Variants in BANK1 observed in about 807,000 individuals in gnomAD.
BANK1 encodes the protein B cell scaffold protein with ankyrin repeats 1.
A neutral mutation model predicts 94.5 loss-of-function variants in BANK1; 95 were observed. The observed-to-expected ratio is 1.00, with a 90% CI of 0.85 to 1.19. The LOEUF is 1.19. BANK1 is among the 50% of genes most tolerant of loss of function. The pLI, the probability that BANK1 is intolerant of heterozygous loss-of-function variation, is 0.00. For synonymous variants in BANK1, 334 were observed against 308.4 expected (o/e 1.08, Z -0.87); for missense variants, 987 against 932.2 (o/e 1.06, Z -0.77).
chr4:101,956,843 G>A (rs950878646), intron 7 of BANK1, among the ~76,000 whole-genome samples: 2 of 152,062 alleles, frequency 1.3e-5, no homozygotes, highest in Admixed American at 6.6e-5. Context: ...GAAAGCTCAG[G>A]GTCCTCATAG....
intron 5 of BANK1, among the ~76,000 whole-genome samples, chr4:101,889,807 A>G (rs1721781352): frequency 6.6e-6 from 1 of 152,056 alleles, no homozygotes; most frequent in Non-Finnish European, 1.5e-5. Context: ...CCAATGTATT[A>G]TAAAATTTTC....
chr4:101,839,965 T>A (rs1457634489), intron 2 of BANK1, among the ~76,000 whole-genome samples: 2,180 of 77,418 alleles, frequency 0.028, 226 homozygotes, highest in African/African-American at 0.1. Context: ...TTTTTTTTTT[T>A]TTTTTTTTTT....
intron 5 of BANK1, among the ~76,000 whole-genome samples, chr4:101,889,461 G>A (rs377528635): frequency 2.3e-4 from 35 of 151,424 alleles, no homozygotes; most frequent in East Asian, 1.5e-3. Context: ...AGCCGGGCGC[G>A]GTGGCGGGCG....
intron 7 of BANK1, among the ~76,000 whole-genome samples, chr4:101,966,602 T>C (rs1282421596): frequency 6.6e-6 from 1 of 152,078 alleles, no homozygotes; most frequent in East Asian, 1.9e-4. Flanking sequence ...TTAATTAGAC[T>C]TTGATTTAGA....
At chr4:101,884,211 C>G (rs1295424283) in intron 5 of BANK1, among the ~76,000 whole-genome samples, 13 of 152,114 alleles carry the variant, frequency 8.5e-5, no homozygotes, top group Non-Finnish European at 1.6e-4. Context: ...AACCTTGGTA[C>G]CTTAGGTAGC....
intron 6 of BANK1, among the ~76,000 whole-genome samples, chr4:101,898,938 C>T (rs370531216): frequency 1.3e-5 from 2 of 151,898 alleles, no homozygotes; most frequent in African/African-American, 4.8e-5. Context: ...CATGGCTCTA[C>T]AGAGAAAGAA....
chr4:101,990,193 A>T lies in BANK1; in HGVS notation c.1207-31321A>T, dbSNP rs1209187470. ...CATCTGAGGTACTATTTGGATATAC[A>T]AGACAAATCTAATTATTTTCCTTGT... On this transcript the variant is annotated intron_variant, in intron 7 of 16. Transcript: ENST00000322953. 2.6e-5 allele frequency among the ~76,000 whole-genome samples: 4 copies of T among 152,230 alleles called. No individual in the cohort carries two copies. In the South Asian group the frequency reaches 6.2e-4, roughly 24 times the overall value.
chr4:101,927,012 A>G (rs936299733), intron 7 of BANK1, among the ~76,000 whole-genome samples: 5 of 151,706 alleles, frequency 3.3e-5, no homozygotes, highest in Non-Finnish European at 7.4e-5. Flanking sequence ...AGAATTTGGT[A>G]TTTTGGAGAA....
intron 5 of BANK1, among the ~76,000 whole-genome samples, chr4:101,885,515 C>T (rs971437545): frequency 6.6e-6 from 1 of 152,212 alleles, no homozygotes; most frequent in Non-Finnish European, 1.5e-5. Context: ...ACTACTTTCA[C>T]CTAGTTAATT....
At chr4:102,007,143 ATTT>A (rs1491311188) in intron 7 of BANK1, among the ~76,000 whole-genome samples, 11 of 31,000 alleles carry the variant, frequency 3.5e-4, no homozygotes, top group Admixed American at 6.1e-4. Flanking sequence ...TAAAAAATAT[ATTT>A]TATATATATA....
At chr4:102,004,759 G>A (rs1199016348) in intron 7 of BANK1, among the ~76,000 whole-genome samples, 2 of 152,136 alleles carry the variant, frequency 1.3e-5, no homozygotes, top group African/African-American at 2.4e-5. Flanking sequence ...TAAAAATCAT[G>A]AGAAAATACC....
Position 101,829,484 on chromosome 4 carries a change from A to G in BANK1, c.71-324A>G, listed in dbSNP as rs941035865. ...TTTCTTTTGGGCCAGAAATTAAAAT[A>G]TTATCTATAACATTATCTATGTCTA... On this transcript the variant is annotated intron_variant, in intron 1 of 16. Transcript: ENST00000322953. Among the ~76,000 whole-genome samples the G allele has an allele frequency of 4.6e-5, 7 of 151,852 alleles. No homozygotes were observed. The East Asian group carries it at 1.4e-3, about 29-fold the overall frequency.
intron 9 of BANK1, among the ~76,000 whole-genome samples, chr4:102,027,510 G>T (rs1427173754): frequency 1.3e-5 from 2 of 151,978 alleles, no homozygotes; most frequent in East Asian, 3.9e-4. Flanking sequence ...TAAAATGCCG[G>T]TATTTTTTCT....
At chr4:101,850,625 C>G (rs764659089) in intron 2 of BANK1, among the ~76,000 whole-genome samples, 1 of 152,094 alleles carries the variant, frequency 6.6e-6, no homozygotes, top group Non-Finnish European at 1.5e-5. Context: ...GCATTTTTTA[C>G]AAATTGAAGG....
chr4:101,950,080 C>A (rs1724097763), intron 7 of BANK1, among the ~76,000 whole-genome samples: 1 of 150,722 alleles, frequency 6.6e-6, no homozygotes, highest in African/African-American at 2.4e-5. Context: ...CGCGCATGTG[C>A]CTACACAAAT....
intron 5 of BANK1, among the ~76,000 whole-genome samples, chr4:101,872,920 A>G (rs538076598): frequency 7.3e-5 from 11 of 151,616 alleles, no homozygotes; most frequent in Non-Finnish European, 1.2e-4. Context: ...CCCGGGAGGT[A>G]GAGGTTGCAA....
At chr4:101,862,492 A>G in intron 3 of BANK1, 34 bp from the exon 4 acceptor site, 1 of 1,561,858 alleles carries the variant, frequency 6.4e-7, no homozygotes, top group Non-Finnish European at 8.7e-7. Flanking sequence ...AAACTTTTCC[A>G]AATGCTTAAA....
chr4:102,029,065 A>G (rs2850392), intron 9 of BANK1, among the ~76,000 whole-genome samples: 100,852 of 151,910 alleles, frequency 0.66, 34,000 homozygotes, highest in African/African-American at 0.78. Flanking sequence ...CTCGCCACCT[A>G]GCTAATTCTT....
At chr4:101,889,537 G>T (rs1203023526) in intron 5 of BANK1, among the ~76,000 whole-genome samples, 2 of 141,306 alleles carry the variant, frequency 1.4e-5, no homozygotes, top group Non-Finnish European at 3.0e-5. Flanking sequence ...AGCGGAGCTT[G>T]CAGTGAGCCG....
Sources: gnomAD v4.1 joint callset for allele counts (sites outside exome capture counted in the v4.1 genomes callset) on GRCh38, gnomAD v4.1.1 for gene constraint, MANE v1.5 for transcripts, NCBI Gene and HGNC (gene_info 2026-07-23, HGNC 2026-07-21) for gene names.